SLC17A5: variants seen among roughly 807,000 people sequenced by gnomAD.
The protein encoded by SLC17A5 is solute carrier family 17 member 5.
A neutral mutation model predicts 59.4 loss-of-function variants in SLC17A5; 47 were observed. The observed-to-expected ratio is 0.79, with a 90% CI of 0.63 to 1.01. SLC17A5 has a LOEUF of 1.01. Among genes scored for constraint, SLC17A5 ranks in the 50% least tolerant of loss-of-function variants. The pLI, the probability that SLC17A5 is intolerant of heterozygous loss-of-function variation, is 0.00. For missense variants in SLC17A5, 522 were observed against 595.5 expected (o/e 0.88, Z 1.28); for synonymous variants, 202 against 210.7 (o/e 0.96, Z 0.36).
chr6:73,648,916 G>T (rs1769709501), intron 1 of SLC17A5, among the ~76,000 whole-genome samples: 1 of 152,074 alleles, frequency 6.6e-6, no homozygotes, highest in African/African-American at 2.4e-5. Flanking sequence ...GCAGTATCTA[G>T]ATTATGTATT....
At chr6:73,648,606 C>G (rs1021389448) in intron 1 of SLC17A5, among the ~76,000 whole-genome samples, 1 of 152,164 alleles carries the variant, frequency 6.6e-6, no homozygotes, top group Non-Finnish European at 1.5e-5. Context: ...TGAAATACTG[C>G]AAGACATTAT....
rs1769443155 is a variant in SLC17A5 at position 73,644,468 on chromosome 6, T to C, written c.230A>G (p.Asn77Ser). 6.2e-7 allele frequency: 1 copy of C among 1,614,084 alleles called. No homozygotes were observed. Among genetic ancestry groups the C allele is most frequent in the Non-Finnish European group, 8.5e-7 (1 of 1,179,954 alleles). Residue 77 changes from asparagine (N) to serine (S), a missense_variant, in exon 2 of 11, where the codon AAT (asparagine) becomes AGT (serine). This residue lies in a region of SLC17A5 where 338 missense variants were observed against 363.8 expected (regional missense o/e 0.93). Coordinates refer to ENST00000355773, the MANE Select transcript of SLC17A5 (RefSeq NM_012434.5). ...MVDSNTTLED[N>S]RTSKACPEHS... ...CTCTGGACACGCCTTGGAAGTTCTATTATCTTCTAAAGTTGTATTTGAATC... is the reference window on the plus strand; with the variant it reads ...CTCTGGACACGCCTTGGAAGTTCTACTATCTTCTAAAGTTGTATTTGAATC...
chr6:73,618,034 A>T (rs1767952295), intron 7 of SLC17A5, among the ~76,000 whole-genome samples: 1 of 152,064 alleles, frequency 6.6e-6, no homozygotes, highest in African/African-American at 2.4e-5. Flanking sequence ...GTTTGAGACC[A>T]GCCTGGCCAA....
chr6:73,633,708 G>A (rs563903457), intron 6 of SLC17A5, among the ~76,000 whole-genome samples: 6 of 151,742 alleles, frequency 4.0e-5, no homozygotes, highest in South Asian at 4.2e-4. Context: ...GTGAAATCCC[G>A]TCTCTACTAA....
intron 3 of SLC17A5, 80 bp from the exon 4 acceptor site, chr6:73,638,579 T>C: frequency 9.0e-7 from 1 of 1,108,808 alleles, no homozygotes; most frequent in African/African-American, 1.5e-5. Flanking sequence ...AGTATTTTGC[T>C]ACAAAAGCAT....
chr6:73,612,898 A>G (rs1767692896), intron 8 of SLC17A5, among the ~76,000 whole-genome samples: 2 of 152,134 alleles, frequency 1.3e-5, no homozygotes, highest in South Asian at 4.1e-4. Flanking sequence ...CAAAAAATCA[A>G]AAATAATTAG....
At chr6:73,597,173 A>C (rs1375463260) in intron 10 of SLC17A5, among the ~76,000 whole-genome samples, 1 of 151,168 alleles carries the variant, frequency 6.6e-6, no homozygotes, top group Non-Finnish European at 1.5e-5. Flanking sequence ...AAAATAAATA[A>C]ATAAATAAAC....
chr6:73,649,681 T>C (rs569862592), intron 1 of SLC17A5, among the ~76,000 whole-genome samples: 4 of 152,320 alleles, frequency 2.6e-5, no homozygotes, highest in Admixed American at 1.3e-4. Context: ...AGGGTTATTA[T>C]AAGGATTCAC....
intron 1 of SLC17A5, among the ~76,000 whole-genome samples, chr6:73,652,489 T>C (rs954230187): frequency 6.6e-6 from 1 of 152,240 alleles, no homozygotes; most frequent in African/African-American, 2.4e-5. Context: ...CTGAGAATAA[T>C]GTTTAACATT....
chr6:73,608,774 G>A (rs963058623), intron 9 of SLC17A5, among the ~76,000 whole-genome samples: 3 of 152,102 alleles, frequency 2.0e-5, no homozygotes, highest in Non-Finnish European at 4.4e-5. Context: ...CTAGCACTTC[G>A]GGGGGCTGAG....
chr6:73,650,215 AGAAAG>A (rs1395876920), intron 1 of SLC17A5, among the ~76,000 whole-genome samples: 5 of 138,502 alleles, frequency 3.6e-5, no homozygotes, highest in Admixed American at 7.4e-5. Context: ...AAAAAAAAAA[AGAAAG>A]AAAAAAAGGC....
At chr6:73,637,174 A>G (rs1265896397) in intron 4 of SLC17A5, among the ~76,000 whole-genome samples, 1 of 152,196 alleles carries the variant, frequency 6.6e-6, no homozygotes, top group Non-Finnish European at 1.5e-5. Flanking sequence ...GAATGGAAGT[A>G]GTAAAGCAGA....
At chr6:73,599,063 T>C (rs1265803003) in intron 10 of SLC17A5, among the ~76,000 whole-genome samples, 2 of 151,752 alleles carry the variant, frequency 1.3e-5, no homozygotes, top group Non-Finnish European at 2.9e-5. Flanking sequence ...GTGCCTGTAG[T>C]TCCAGCTACC....
At chr6:73,636,450 G>A (rs1769005099) in intron 5 of SLC17A5, among the ~76,000 whole-genome samples, 171 bp downstream of exon 5, 1 of 152,058 alleles carries the variant, frequency 6.6e-6, no homozygotes, top group Admixed American at 6.6e-5. Context: ...ACATCAGCTC[G>A]TAACTCAAAT....
chr6:73,610,561 G>C lies in SLC17A5; in HGVS notation c.1112-14C>G, dbSNP rs1482711710. ...GTCCAATCATTCCTGGAGTTAAAAA[G>C]TTATAAAAGGGAAAAAACACCCAGC... is the stretch of plus-strand genomic sequence containing the variant. On this transcript the variant is annotated splice_polypyrimidine_tract_variant and intron_variant, in intron 8 of 10. Coordinates refer to ENST00000355773, the MANE Select transcript of SLC17A5 (RefSeq NM_012434.5). 1 of 1,613,656 alleles carries C rather than the reference G, an allele frequency of 6.2e-7. No individual in the cohort carries two copies. Among genetic ancestry groups the C allele is most frequent in the East Asian group, 2.2e-5 (1 of 44,856 alleles).
At chr6:73,609,334 G>A (rs961233400) in intron 9 of SLC17A5, among the ~76,000 whole-genome samples, 24 of 152,144 alleles carry the variant, frequency 1.6e-4, no homozygotes, top group Admixed American at 8.5e-4. Context: ...TTAGGTTCAA[G>A]TTTTGGCTCT....
At chr6:73,652,567 ATCTT>A (rs1467096102) in intron 1 of SLC17A5, among the ~76,000 whole-genome samples, 4 of 152,250 alleles carry the variant, frequency 2.6e-5, no homozygotes, top group Non-Finnish European at 4.4e-5. Context: ...TCTGGCAAAT[ATCTT>A]TATTATAACT....
chr6:73,632,723 C>T (rs532743324), intron 6 of SLC17A5, among the ~76,000 whole-genome samples: 2 of 151,486 alleles, frequency 1.3e-5, no homozygotes, highest in East Asian at 1.9e-4. Flanking sequence ...ATTACAGATG[C>T]GAGCCACCAC....
chr6:73,607,298 A>C (rs1554161666), intron 9 of SLC17A5, among the ~76,000 whole-genome samples: 1 of 95,776 alleles, frequency 1.0e-5, no homozygotes, highest in Admixed American at 9.3e-5. Context: ...TTTTTTTTTG[A>C]GATGGAGTTT....
Sources: allele counts gnomAD v4.1 joint callset (sites outside exome capture counted in the v4.1 genomes callset), GRCh38; gene constraint gnomAD v4.1.1; regional missense constraint gnomAD v4.1.1; transcripts MANE v1.5; gene names NCBI Gene and HGNC (gene_info 2026-07-23, HGNC 2026-07-21).